Variants in MAGI1 observed in about 807,000 individuals in gnomAD.
MAGI1 encodes the protein membrane associated guanylate kinase, WW and PDZ domain containing 1.
In MAGI1, 58 loss-of-function variants were observed where a neutral mutation model predicts 139.9. The observed-to-expected ratio is 0.41, with a 90% CI of 0.34 to 0.52. The LOEUF (loss-of-function observed/expected upper bound fraction) is 0.52, where lower values mean the gene tolerates loss of function less well. Ranked by LOEUF, MAGI1 falls within the 20% of genes least tolerant of loss-of-function variation. The pLI is 0.12. For missense variants in MAGI1, 1,874 were observed against 1,901.6 expected, an observed-to-expected ratio of 0.99 and a Z score of 0.27; for synonymous variants, 812 against 737.9, an observed-to-expected ratio of 1.10 and a Z score of -1.63.
intron 13 of MAGI1, among the ~76,000 whole-genome samples, chr3:65,398,742 G>C (rs770990662): frequency 6.6e-6 from 1 of 152,040 alleles, no homozygotes; most frequent in Non-Finnish European, 1.5e-5. Flanking sequence ...AATATGTCTT[G>C]TTTTTGTCTC....
intron 18 of MAGI1, chr3:65,365,281 A>G: frequency 2.0e-6 from 1 of 495,018 alleles, no homozygotes; most frequent in South Asian, 1.6e-5. Flanking sequence ...GTCCCATCAA[A>G]GTGCTGCACC....
chr3:65,372,674 T>G (rs146170059), intron 18 of MAGI1, among the ~76,000 whole-genome samples: 71 of 152,342 alleles, frequency 4.7e-4, no homozygotes, highest in African/African-American at 1.6e-3. Flanking sequence ...TCTGTCATTT[T>G]GTGTAGCCAC....
chr3:65,724,469 T>C (rs1423429999), intron 1 of MAGI1, among the ~76,000 whole-genome samples: 1 of 152,212 alleles, frequency 6.6e-6, no homozygotes, highest in African/African-American at 2.4e-5. Flanking sequence ...GATACCTGGA[T>C]CAGATAAATC....
At chr3:65,544,514 A>G (rs937308361) in intron 2 of MAGI1, among the ~76,000 whole-genome samples, 3 of 152,184 alleles carry the variant, frequency 2.0e-5, no homozygotes, top group African/African-American at 7.2e-5. Flanking sequence ...ACATGGAGGT[A>G]ATTCCATGAT....
At chr3:65,654,294 C>T (rs2085743167) in intron 1 of MAGI1, among the ~76,000 whole-genome samples, 1 of 152,122 alleles carries the variant, frequency 6.6e-6, no homozygotes, top group Non-Finnish European at 1.5e-5. Context: ...CACACGTCAT[C>T]CCCAAAATCA....
rs78868913 is a variant in MAGI1 at position 65,842,343 on chromosome 3, G to A, written c.313+195653C>T. Among the ~76,000 whole-genome samples the A allele has an allele frequency of 4.2e-3, 622 of 149,620 alleles. 7 individuals are homozygous for A. Among genetic ancestry groups the A allele is most frequent in the Admixed American group, 0.033 (485 of 14,728 alleles). ...TCTTTTTCAATGTTCCATATCCCCT[G>A]AAATTTTATAAATGTGTACTTTTTT... On this transcript the variant is annotated intron_variant, in intron 1 of 22. Coordinates refer to ENST00000402939, the MANE Select transcript of MAGI1 (RefSeq NM_001033057.2).
chr3:65,907,665 T>C (rs79674597), intron 1 of MAGI1: 5 of 152,370 alleles, frequency 3.3e-5, no homozygotes, highest in East Asian at 1.9e-4. Flanking sequence ...TGTTTTCAGA[T>C]GCCCAGTTCT....
At chr3:65,583,984 A>C (rs1294832574) in intron 2 of MAGI1, among the ~76,000 whole-genome samples, 1 of 150,042 alleles carries the variant, frequency 6.7e-6, no homozygotes, top group African/African-American at 2.4e-5. Flanking sequence ...AGTGGTGTGA[A>C]GTTCATAGCA....
At chr3:65,621,703 T>C (rs2083676503) in intron 2 of MAGI1, among the ~76,000 whole-genome samples, 4 of 152,200 alleles carry the variant, frequency 2.6e-5, no homozygotes, top group Admixed American at 2.0e-4. Context: ...TCCATGAAGC[T>C]AGTATTACTA....
intron 1 of MAGI1, among the ~76,000 whole-genome samples, chr3:65,881,219 G>A (rs764441447): frequency 2.0e-5 from 3 of 152,064 alleles, no homozygotes; most frequent in Non-Finnish European, 4.4e-5. Flanking sequence ...GATTAAGAAA[G>A]GCAAGCACTG....
intron 1 of MAGI1, among the ~76,000 whole-genome samples, chr3:65,811,947 T>A (rs1460264279): frequency 1.5e-5 from 2 of 133,844 alleles, no homozygotes; most frequent in African/African-American, 6.2e-5. Context: ...TGTGTGTGTG[T>A]GTGTGTGTGT....
At chr3:65,874,999 C>G (rs1256308290) in intron 1 of MAGI1, 2 of 152,642 alleles carry the variant, frequency 1.3e-5, no homozygotes, top group African/African-American at 2.4e-5. Flanking sequence ...AGGAGGATCA[C>G]TTGCAGCCAG....
chr3:65,627,703 T>C (rs1281141205), intron 1 of MAGI1, among the ~76,000 whole-genome samples: 3 of 151,736 alleles, frequency 2.0e-5, no homozygotes, highest in Non-Finnish European at 2.9e-5. Flanking sequence ...AGATGGGGTT[T>C]CACCGTGCTA....
intron 1 of MAGI1, among the ~76,000 whole-genome samples, chr3:65,841,816 C>G (rs1559933244): frequency 6.6e-6 from 1 of 152,124 alleles, no homozygotes; most frequent in East Asian, 1.9e-4. Context: ...AGGAACCTAA[C>G]TGTATATTCA....
intron 3 of MAGI1, among the ~76,000 whole-genome samples, chr3:65,492,026 C>CA (rs1250394475): frequency 1.3e-5 from 2 of 152,128 alleles, no homozygotes; most frequent in African/African-American, 4.8e-5. Flanking sequence ...GTAACAGAAG[C>CA]AATTATCACA....
intron 2 of MAGI1, among the ~76,000 whole-genome samples, chr3:65,580,195 T>A (rs2081353619): frequency 6.6e-6 from 1 of 152,200 alleles, no homozygotes; most frequent in African/African-American, 2.4e-5. Context: ...AACACAGAGA[T>A]AACAACTGTT....
chr3:65,396,776 C>T (rs902598181), intron 13 of MAGI1, among the ~76,000 whole-genome samples: 7 of 152,174 alleles, frequency 4.6e-5, no homozygotes, highest in South Asian at 2.1e-4. Context: ...ATTAGGCCAA[C>T]GTCATTAAAG....
intron 1 of MAGI1, among the ~76,000 whole-genome samples, chr3:65,806,840 A>G (rs1249573863): frequency 6.6e-6 from 1 of 152,218 alleles, no homozygotes; most frequent in Non-Finnish European, 1.5e-5. Flanking sequence ...ACTGTTCCAG[A>G]CATTCCAAAT....
chr3:65,410,632 A>G (rs1417459490), intron 12 of MAGI1, among the ~76,000 whole-genome samples: 4 of 152,218 alleles, frequency 2.6e-5, no homozygotes, highest in African/African-American at 9.6e-5. Flanking sequence ...CAAGGTATCT[A>G]GGGCTCATAA....
Sources: gnomAD v4.1 joint callset for allele counts (sites outside exome capture counted in the v4.1 genomes callset) on GRCh38, gnomAD v4.1.1 for gene constraint, MANE v1.5 for transcripts, NCBI Gene and HGNC (gene_info 2026-07-23, HGNC 2026-07-21) for gene names.